Variants in SUPT20H observed in about 807,000 individuals in gnomAD.
SUPT20H encodes the protein SPT20 homolog, SAGA complex component, also known as transcription factor SPT20 homolog.
A neutral mutation model predicts 122.8 loss-of-function variants in SUPT20H; 82 were observed. The observed-to-expected ratio is 0.67, with a 90% CI of 0.56 to 0.80. SUPT20H has a LOEUF of 0.80. Ranked by LOEUF, SUPT20H falls within the 30% of genes least tolerant of loss-of-function variation. The pLI is 0.00. For synonymous variants in SUPT20H, 291 were observed against 313.0 expected, an observed-to-expected ratio of 0.93 and a Z score of 0.74; for missense variants, 831 against 921.6, an observed-to-expected ratio of 0.90 and a Z score of 1.27.
chr13:37,033,533 CAG>C lies in SUPT20H; in HGVS notation c.621_622del (p.Cys208SerfsTer2). On this transcript the variant is annotated frameshift_variant, in exon 10 of 26. Coordinates refer to ENST00000350612, the MANE Select transcript of SUPT20H (RefSeq NM_001014286.3). LOFTEE classifies it high-confidence loss of function. ...GGTGACTGCTATAGAAGGATCAAGA[CAG>C]AGTGGTTCAGCTGTAGCTAGGATGA... 6.2e-7 allele frequency: 1 copy of C among 1,613,592 alleles called. No homozygotes were observed. The highest frequency in any genetic ancestry group is 8.5e-7 in the Non-Finnish European group (1 of 1,179,784).
At chr13:37,031,374 C>G (rs1047628437) in intron 12 of SUPT20H, among the ~76,000 whole-genome samples, 193 bp downstream of exon 12, 2 of 151,952 alleles carry the variant, frequency 1.3e-5, no homozygotes, top group Non-Finnish European at 2.9e-5. Flanking sequence ...AAGAACAATA[C>G]ACAGCTTCTA....
rs1244896096 is a variant in SUPT20H, at chr13:37,059,619, C to G, written c.-154G>C. On this transcript the variant is annotated 5_prime_UTR_variant, in exon 1 of 26. Coordinates refer to ENST00000350612, the MANE Select transcript of SUPT20H (RefSeq NM_001014286.3). ...GCGCCGCCTGCTCGGCAGCAAAGCCCACCCGCCCCGTCGGCGGCTCAGTGC... is the reference window on the plus strand; with the variant it reads ...GCGCCGCCTGCTCGGCAGCAAAGCCGACCCGCCCCGTCGGCGGCTCAGTGC... 2 of 152,276 alleles carry G rather than the reference C, an allele frequency of 1.3e-5. No individual in the cohort carries two copies. The highest frequency in any genetic ancestry group is 4.8e-5 in the African/African-American group (2 of 41,470). 9.4% of individuals were successfully genotyped at this position (152,276 alleles called of 1,614,324 possible).
At chr13:37,043,678 G>A (rs550014380) in intron 7 of SUPT20H, among the ~76,000 whole-genome samples, 2 of 151,906 alleles carry the variant, frequency 1.3e-5, no homozygotes, top group Non-Finnish European at 2.9e-5. Context: ...ACAGGGTCTT[G>A]CTCTATCACC....
intron 9 of SUPT20H, among the ~76,000 whole-genome samples, chr13:37,035,491 A>G (rs1190455685): frequency 1.3e-5 from 2 of 151,910 alleles, no homozygotes; most frequent in African/African-American, 4.8e-5. Flanking sequence ...ACTTGAATGG[A>G]TGAGTTGCTT....
chr13:37,015,056 A>G (rs2060199182), intron 23 of SUPT20H, among the ~76,000 whole-genome samples: 1 of 152,132 alleles, frequency 6.6e-6, no homozygotes, highest in Admixed American at 6.6e-5. Flanking sequence ...ACTAGAGAAC[A>G]TTTATAAGAA....
At chr13:37,036,430 T>C (rs7320899) in intron 9 of SUPT20H, among the ~76,000 whole-genome samples, 126,773 of 151,828 alleles carry the variant, frequency 0.83, 54,018 homozygotes, top group East Asian at 1. Context: ...GTTCAAACAG[T>C]TCTCCTGCCT....
chr13:37,015,542 C>T (rs919197206), intron 23 of SUPT20H, among the ~76,000 whole-genome samples: 4 of 150,822 alleles, frequency 2.7e-5, no homozygotes, highest in South Asian at 4.2e-4. Flanking sequence ...CAAGAGTTGG[C>T]GAGGATTTGG....
Position 37,009,643 on chromosome 13 carries a change from T to A in SUPT20H, c.*29A>T. 1 of 1,612,874 alleles carries A rather than the reference T, an allele frequency of 6.2e-7. No individual in the cohort carries two copies. The highest frequency in any genetic ancestry group is 8.5e-7 in the Non-Finnish European group (1 of 1,179,522). ...TTTTGATTCAGTGCTCTTGTGTTTT[T>A]AAAAAAGGAACAAAAAGTAATGCAA... On this transcript the variant is annotated 3_prime_UTR_variant, in exon 26 of 26. Transcript: ENST00000350612.
chr13:37,053,735 A>G (rs1356059802), intron 1 of SUPT20H, among the ~76,000 whole-genome samples: 1 of 152,180 alleles, frequency 6.6e-6, no homozygotes. Flanking sequence ...GATACAAAAA[A>G]CAAAAACAAA....
chr13:37,042,986 A>G (rs1466501076), intron 7 of SUPT20H, among the ~76,000 whole-genome samples: 1 of 152,256 alleles, frequency 6.6e-6, no homozygotes, highest in African/African-American at 2.4e-5. Context: ...AAATGTTCCA[A>G]TTAGCATTTC....
chr13:37,009,364 T>C lies in SUPT20H; in HGVS notation c.*308A>G. 1 of 895,158 alleles carries C rather than the reference T, an allele frequency of 1.1e-6. No individual in the cohort carries two copies. The highest frequency in any genetic ancestry group is 1.8e-6 in the Non-Finnish European group (1 of 563,744). The allele number at this position is 895,158 out of a possible 1,614,324, so 55.5% of individuals were successfully genotyped here. A position where few individuals can be genotyped will look rare whatever the true frequency, so the allele number is the denominator to read the frequency against. ...ATTTGTTAACACTGTGCACAAACGT[T>C]TTATACTAAATAAATATCAAACTAC... On this transcript the variant is annotated 3_prime_UTR_variant, in exon 26 of 26. Coordinates refer to ENST00000350612, the MANE Select transcript of SUPT20H (RefSeq NM_001014286.3).
At chr13:37,043,902 C>A (rs1024226490) in intron 7 of SUPT20H, among the ~76,000 whole-genome samples, 176 bp downstream of exon 7, 6 of 151,488 alleles carry the variant, frequency 4.0e-5, no homozygotes, top group African/African-American at 1.2e-4. Context: ...CAAAGCCCAG[C>A]CTGATTTCAT....
chr13:37,024,187 T>C lies in SUPT20H; in HGVS notation c.1439A>G (p.Tyr480Cys), dbSNP rs1305443720. ...SSSGNSSSGN[Y>C]FTPQQTSSFL... ...GCTGCTTGTCTGTTGTGGTGTAAAATAGTTACCTAGAAGAACATAAAAGTT... is the reference window on the plus strand; with the variant it reads ...GCTGCTTGTCTGTTGTGGTGTAAAACAGTTACCTAGAAGAACATAAAAGTT... Residue 480 changes from tyrosine to cysteine, a missense_variant, in exon 19 of 26, where the codon TAT becomes TGT. Coordinates refer to ENST00000350612, the MANE Select transcript of SUPT20H (RefSeq NM_001014286.3). 6 of 1,610,394 alleles carry C rather than the reference T, an allele frequency of 3.7e-6. No individual in the cohort carries two copies. Among genetic ancestry groups the C allele is most frequent in the Admixed American group, 1.7e-5 (1 of 59,232 alleles).
intron 2 of SUPT20H, 67 bp downstream of exon 2, chr13:37,051,421 T>A (rs2067659404): frequency 1.3e-6 from 2 of 1,499,568 alleles, no homozygotes; most frequent in Admixed American, 3.4e-5. Flanking sequence ...CATACAAATA[T>A]CTTTATGAAG....
At chr13:37,028,997 T>C (rs1489374070) in intron 13 of SUPT20H, among the ~76,000 whole-genome samples, 2 of 151,784 alleles carry the variant, frequency 1.3e-5, no homozygotes, top group Non-Finnish European at 2.9e-5. Flanking sequence ...TATTTATCAT[T>C]TGTCTGCTTT....
At position 37,009,393 on chromosome 13, in the gene SUPT20H, C is replaced by G. The variant is rs1441733872; in HGVS notation, c.*279G>C. ...TACTAAATAAATATCAAACTACATT[C>G]TTCTGAAAGATGTTTCTATTATTTC... On this transcript the variant is annotated 3_prime_UTR_variant, in exon 26 of 26. Coordinates refer to ENST00000350612, the MANE Select transcript of SUPT20H (RefSeq NM_001014286.3). 17 of 765,434 alleles carry G rather than the reference C, an allele frequency of 2.2e-5. 2 individuals carry two copies. The highest frequency in any genetic ancestry group is 1.4e-4 in the South Asian group (8 of 55,904). 47.4% of individuals were successfully genotyped at this position (765,434 alleles called of 1,614,324 possible).
At chr13:37,054,290 C>T (rs1302154724) in intron 1 of SUPT20H, among the ~76,000 whole-genome samples, 2 of 152,146 alleles carry the variant, frequency 1.3e-5, no homozygotes, top group Non-Finnish European at 2.9e-5. Flanking sequence ...CATCCTGATA[C>T]CAAAGCCTGG....
In SUPT20H at chr13:37,009,737, G is replaced by A. The variant is rs149036783; in HGVS notation, c.2275C>T (p.Arg759Trp). 4.3e-6 allele frequency: 7 copies of A among 1,613,894 alleles called. No individual in the cohort carries two copies. Among genetic ancestry groups the A allele is most frequent in the East Asian group, 2.2e-5 (1 of 44,886 alleles). The change falls in exon 26 of 26, where the codon CGG (arginine) becomes TGG (tryptophan). Residue 759 changes from arginine (R) to tryptophan (W), a missense_variant. By Grantham distance (101) the Arg-to-Trp change is moderately radical. Transcript: ENST00000350612. ...CTTTTTGACTGGCTGCCTGTATGCC[G>A]ATGATGATGTAGCTGAGCTGTTTGT... is the stretch of plus-strand genomic sequence containing the variant. ...AAQTAQLHHH[R>W]HTGSQSKSKM...
chr13:37,019,329 A>T lies in SUPT20H; in HGVS notation c.1872+13T>A, dbSNP rs1002694849. On this transcript the variant is annotated intron_variant, in intron 22 of 25. Transcript: ENST00000350612. ...TACAAAAAATTTAATCAAAAGCAGTATTTCAGGTTTACCTGGAGTAGATTT... is the reference window on the plus strand; with the variant it reads ...TACAAAAAATTTAATCAAAAGCAGTTTTTCAGGTTTACCTGGAGTAGATTT... 2 of 1,584,210 alleles carry T rather than the reference A, an allele frequency of 1.3e-6. No individual in the cohort carries two copies. The highest frequency in any genetic ancestry group is 2.7e-5 in the African/African-American group (2 of 73,058).
Sources: allele counts gnomAD v4.1 joint callset (sites outside exome capture counted in the v4.1 genomes callset), GRCh38; gene constraint gnomAD v4.1.1; transcripts MANE v1.5; gene names NCBI Gene and HGNC (gene_info 2026-07-23, HGNC 2026-07-21).